The following MYOM1 variants were observed in gnomAD, a reference collection of about 807,000 sequenced individuals.
MYOM1 encodes the protein myomesin 1, also known as myomesin-1.
Under a neutral mutation model 205.3 loss-of-function variants are expected in MYOM1, and 164 were observed. That is an observed-to-expected ratio of 0.80 (90% CI 0.70 to 0.91). The LOEUF is 0.91. Ranked by LOEUF, MYOM1 falls within the 40% of genes least tolerant of loss-of-function variation. The pLI is 0.00. For missense variants in MYOM1, 2,011 were observed against 2,127.3 expected, an observed-to-expected ratio of 0.95 and a Z score of 1.08; for synonymous variants, 772 against 789.4, an observed-to-expected ratio of 0.98 and a Z score of 0.37.
chr18:3,174,004 G>A lies in MYOM1; in HGVS notation c.1112-4C>T, dbSNP rs138604278. On this transcript the variant is annotated splice_polypyrimidine_tract_variant and splice_region_variant and intron_variant, in intron 7 of 37. Transcript: ENST00000356443. ...TCATCAAACTCTCCCTTATACCCTA[G>A]AGAAGAAAACAGAAACGCATGTGAA... The A allele has an allele frequency of 3.0e-5, 48 of 1,612,802 alleles. No homozygotes were observed. The Middle Eastern group carries it at 6.6e-4, about 22-fold the overall frequency.
chr18:3,191,851 A>G lies in MYOM1; in HGVS notation c.431+1967T>C, dbSNP rs189035566. ...GCTGGGACTACAGGTGCCCGCCACC[A>G]CGCCCGGCTAATTTTTTTGTATTTT... On this transcript the variant is annotated intron_variant, in intron 3 of 37. Coordinates refer to ENST00000356443, the MANE Select transcript of MYOM1 (RefSeq NM_003803.4). 4.3e-3 allele frequency among the ~76,000 whole-genome samples: 652 copies of G among 151,612 alleles called. 5 individuals carry two copies. The highest frequency in any genetic ancestry group is 0.013 in the African/African-American group (536 of 41,010).
intron 12 of MYOM1, among the ~76,000 whole-genome samples, chr18:3,151,002 A>AT (rs1297012534): frequency 2.2e-4 from 13 of 60,254 alleles, no homozygotes; most frequent in South Asian, 4.6e-4. Context: ...TTTTTTTTTC[A>AT]TTTTTTTCAT....
chr18:3,190,434 T>C (rs1304064742), intron 3 of MYOM1: 1 of 152,164 alleles, frequency 6.6e-6, no homozygotes, highest in Non-Finnish European at 1.5e-5. Context: ...GATTCCACAT[T>C]TGCCAAGATT....
intron 9 of MYOM1, among the ~76,000 whole-genome samples, chr18:3,165,989 C>T (rs1257724714): frequency 6.6e-6 from 1 of 152,198 alleles, no homozygotes; most frequent in Non-Finnish European, 1.5e-5. Flanking sequence ...TGCCTACTAC[C>T]CACTGCCCAC....
At position 3,189,766 on chromosome 18, in the gene MYOM1, A is replaced by G. The variant is rs2080880173; in HGVS notation, c.432-679T>C. On this transcript the variant is annotated intron_variant, in intron 3 of 37. Transcript: ENST00000356443. The surrounding 1 kb of genome is among the most constrained non-coding windows in gnomAD (Gnocchi z 4.8). ...GGTTGTCTTAGTGTGTTTAAACATG[A>G]TTTTGTTTAAAATAAAAGATTATGG... is the stretch of plus-strand genomic sequence containing the variant. Among the ~76,000 whole-genome samples the G allele has an allele frequency of 6.6e-6, 1 of 152,214 alleles. No homozygotes were observed. Among genetic ancestry groups the G allele is most frequent in the South Asian group, 2.1e-4 (1 of 4,832 alleles).
At chr18:3,196,841 T>G (rs2080995312) in intron 2 of MYOM1, among the ~76,000 whole-genome samples, 1 of 152,168 alleles carries the variant, frequency 6.6e-6, no homozygotes, top group South Asian at 2.1e-4. Flanking sequence ...AGAAGTAGAC[T>G]TACACCTGCA....
chr18:3,143,935 G>A (rs1464214527), intron 13 of MYOM1, among the ~76,000 whole-genome samples: 16 of 147,496 alleles, frequency 1.1e-4, no homozygotes, highest in South Asian at 4.3e-4. Context: ...GGCCAGGCAC[G>A]GTGGCTCACA....
chr18:3,193,138 G>A (rs370744687), intron 3 of MYOM1, among the ~76,000 whole-genome samples: 9 of 151,908 alleles, frequency 5.9e-5, no homozygotes, highest in African/African-American at 2.2e-4. Context: ...GCTGGGTGTG[G>A]TGGCTCGTGC....
chr18:3,148,070 A>C lies in MYOM1; in HGVS notation c.1900+1075T>G, dbSNP rs539640878. Among the ~76,000 whole-genome samples, 28 of 152,352 alleles carry C rather than the reference A, an allele frequency of 1.8e-4. No homozygotes were observed. In the South Asian group the frequency reaches 5.4e-3, roughly 29 times the overall value. On this transcript the variant is annotated intron_variant, in intron 13 of 37. Transcript: ENST00000356443. ...CCCACTAGAATGGCTAAAATTGAAA[A>C]GACTGGCCACACTAAGTGCTAGTGA...
intron 5 of MYOM1, among the ~76,000 whole-genome samples, chr18:3,183,356 T>C (rs10853291): frequency 0.66 from 100,075 of 152,118 alleles, 33,831 homozygotes; most frequent in African/African-American, 0.82. Context: ...TGTGTGCCCT[T>C]ATTCAGTGCT....
intron 4 of MYOM1, 97 bp downstream of exon 4, chr18:3,188,651 A>G (rs2080856954): frequency 8.0e-7 from 1 of 1,256,854 alleles, no homozygotes; most frequent in Admixed American, 3.1e-5. Context: ...AAAAAGAAAC[A>G]AATCAATCTA....
chr18:3,239,828 G>A, the MYOM1 span, among the ~76,000 whole-genome samples: 26 of 151,646 alleles, frequency 1.7e-4, no homozygotes, highest in Non-Finnish European at 3.4e-4. Flanking sequence ...AAATGTTGTG[G>A]GCATCGAGGG....
At chr18:3,094,358 G>C (rs2079270047) in intron 25 of MYOM1, 52 bp from the exon 26 acceptor site, 1 of 1,316,620 alleles carries the variant, frequency 7.6e-7, no homozygotes, top group Admixed American at 2.7e-5. Flanking sequence ...CAATTATATT[G>C]GTACTCATTT....
chr18:3,245,540 G>A, the MYOM1 span, among the ~76,000 whole-genome samples: 1 of 152,202 alleles, frequency 6.6e-6, no homozygotes, highest in Non-Finnish European at 1.5e-5. Flanking sequence ...CAAAATACTA[G>A]GTGGACATTT....
chr18:3,114,615 C>G (rs954984744), intron 21 of MYOM1, among the ~76,000 whole-genome samples: 1 of 143,444 alleles, frequency 7.0e-6, no homozygotes, highest in African/African-American at 2.6e-5. Context: ...AACTCCTGGG[C>G]TCAAGTGATT....
rs959630480 is a variant in MYOM1 at position 3,112,235 on chromosome 18, C to T, written c.3418+63G>A. On this transcript the variant is annotated intron_variant, in intron 22 of 37. Coordinates refer to ENST00000356443, the MANE Select transcript of MYOM1 (RefSeq NM_003803.4). ...AAAATTAGAGGAAAGCACAGAAAGGCCGAACCTTAGTTCAGTATCTTACAC... is the reference window on the plus strand; with the variant it reads ...AAAATTAGAGGAAAGCACAGAAAGGTCGAACCTTAGTTCAGTATCTTACAC... 6.5e-6 allele frequency: 9 copies of T among 1,386,904 alleles called. No homozygotes were observed. In the African/African-American group the frequency reaches 1.0e-4, roughly 15 times the overall value. The allele number at this position is 1,386,904 out of a possible 1,614,324, so 85.9% of individuals were successfully genotyped here.
intron 8 of MYOM1, among the ~76,000 whole-genome samples, chr18:3,170,768 C>T (rs919310894): frequency 6.6e-6 from 1 of 152,166 alleles, no homozygotes; most frequent in African/African-American, 2.4e-5. Flanking sequence ...ATACTATTTT[C>T]TTCCTCTCTT....
chr18:3,069,568 CA>C (rs2078937764), intron 37 of MYOM1, among the ~76,000 whole-genome samples: 1 of 151,846 alleles, frequency 6.6e-6, no homozygotes, highest in South Asian at 2.1e-4. Context: ...ACATTTCAGT[CA>C]AAAAAAGAGG....
chr18:3,138,762 C>T (rs2080006796), intron 14 of MYOM1, among the ~76,000 whole-genome samples: 1 of 152,208 alleles, frequency 6.6e-6, no homozygotes, highest in African/African-American at 2.4e-5. Flanking sequence ...CTCCTCTCAA[C>T]TATGCCATGG....
Sources: allele counts gnomAD v4.1 joint callset (sites outside exome capture counted in the v4.1 genomes callset), GRCh38; gene constraint gnomAD v4.1.1; non-coding constraint Gnocchi (gnomAD v3.1); transcripts MANE v1.5; gene names NCBI Gene and HGNC (gene_info 2026-07-23, HGNC 2026-07-21).